Variants in CCNT2 observed in about 807,000 individuals in gnomAD.
CCNT2 encodes cyclin-T2.
A neutral mutation model predicts 70.0 loss-of-function variants in CCNT2; 18 were observed. The observed-to-expected ratio is 0.26, with a 90% CI of 0.18 to 0.38. CCNT2 has a LOEUF of 0.38. Among genes scored for constraint, CCNT2 ranks in the 10% least tolerant of loss-of-function variants. The pLI is 1.00. For synonymous variants in CCNT2, 334 were observed against 313.3 expected, an observed-to-expected ratio of 1.07 and a Z score of -0.70; for missense variants, 734 against 890.2, an observed-to-expected ratio of 0.82 and a Z score of 2.23.
In CCNT2 at chr2:134,959,057, A is replaced by T. The variant is rs543606114; in HGVS notation, c.*4409A>T. ...AGTTTGTTTGATTTGCCTATTGTTT[A>T]ATAATGAGTACATTCTTATTAAGTG... On this transcript the variant is annotated 3_prime_UTR_variant, in exon 9 of 9. Coordinates refer to ENST00000264157, the MANE Select transcript of CCNT2 (RefSeq NM_058241.3). 1 of 151,114 alleles carries T rather than the reference A, an allele frequency of 6.6e-6. No individual in the cohort carries two copies. Among genetic ancestry groups the T allele is most frequent in the South Asian group, 2.1e-4 (1 of 4,710 alleles). 9.4% of individuals were successfully genotyped at this position (151,114 alleles called of 1,614,324 possible). A position where few individuals can be genotyped will look rare whatever the true frequency, so the allele number is the denominator to read the frequency against.
At chr2:134,935,830 A>G (rs1407073788) in intron 2 of CCNT2, among the ~76,000 whole-genome samples, 3 of 152,072 alleles carry the variant, frequency 2.0e-5, no homozygotes, top group Non-Finnish European at 4.4e-5. Context: ...TTGCTAATTT[A>G]TGGATCTCTG....
intron 7 of CCNT2, among the ~76,000 whole-genome samples, chr2:134,949,879 T>C (rs1682335091): frequency 6.6e-6 from 1 of 150,492 alleles, no homozygotes; most frequent in African/African-American, 2.4e-5. Flanking sequence ...CGCTGCACCC[T>C]CCGCCTCCCG....
Position 134,936,921 on chromosome 2 carries a change from A to T in CCNT2, c.321A>T (p.Ala107=), listed in dbSNP as rs770936338. The T allele has an allele frequency of 9.3e-6, 15 of 1,611,196 alleles. No individual in the cohort carries two copies. The Admixed American group carries it at 1.3e-4, about 14-fold the overall frequency. Residue 107 remains alanine, a synonymous_variant, in exon 3 of 9, where the codon GCA becomes GCT. Transcript: ENST00000264157. The part of the protein sequence containing the change: ...ARKLEHVIKV[A]HACLHPLEPL... Reference sequence around the variant, plus strand: ...AACTTGAACATGTTATCAAAGTAGCACATGCTTGTCTTCATCCTCTAGAGC... The same window carrying T: ...AACTTGAACATGTTATCAAAGTAGCTCATGCTTGTCTTCATCCTCTAGAGC...
chr2:134,934,702 T>A (rs1264554891), intron 2 of CCNT2, among the ~76,000 whole-genome samples: 1 of 152,194 alleles, frequency 6.6e-6, no homozygotes, highest in African/African-American at 2.4e-5. Flanking sequence ...ACCAGGAACT[T>A]TGGAAGAGTG....
chr2:134,937,093 T>C, intron 3 of CCNT2, 124 bp downstream of exon 3: 1 of 577,646 alleles, frequency 1.7e-6, no homozygotes, highest in Non-Finnish European at 3.0e-6. Flanking sequence ...TTATTACCTC[T>C]TAGGAATGCA....
intron 1 of CCNT2, among the ~76,000 whole-genome samples, chr2:134,919,440 G>A (rs1418872269): frequency 6.6e-6 from 1 of 152,160 alleles, no homozygotes; most frequent in East Asian, 1.9e-4. Flanking sequence ...CGGCTTGATG[G>A]CGGCTCTCTT....
chr2:134,932,620 A>C (rs1310015355), intron 2 of CCNT2, among the ~76,000 whole-genome samples: 1 of 152,232 alleles, frequency 6.6e-6, no homozygotes, highest in Non-Finnish European at 1.5e-5. Flanking sequence ...TTGAGTAAGA[A>C]AACTAAAATG....
chr2:134,923,986 T>C (rs1198456400), intron 2 of CCNT2, among the ~76,000 whole-genome samples: 1 of 152,228 alleles, frequency 6.6e-6, no homozygotes, highest in African/African-American at 2.4e-5. Context: ...TCTTTATAAG[T>C]CCCAAATTCC....
intron 4 of CCNT2, among the ~76,000 whole-genome samples, chr2:134,940,916 T>C (rs570359635): frequency 6.6e-6 from 1 of 152,316 alleles, no homozygotes; most frequent in South Asian, 2.1e-4. Context: ...CATTTCAAGA[T>C]AAATGAATCC....
At chr2:134,920,334 G>C (rs1679799821) in intron 2 of CCNT2, 1 of 152,342 alleles carries the variant, frequency 6.6e-6, no homozygotes. Context: ...CTATTTAGTA[G>C]AAATAATTCA....
chr2:134,919,940 C>A (rs369615706), intron 2 of CCNT2, 49 bp downstream of exon 2: 4 of 1,308,688 alleles, frequency 3.1e-6, no homozygotes, highest in South Asian at 1.2e-5. Flanking sequence ...GAGGGTAAAT[C>A]GATACGCAGA....
chr2:134,929,028 A>G (rs554289894), intron 2 of CCNT2, among the ~76,000 whole-genome samples: 3 of 152,314 alleles, frequency 2.0e-5, no homozygotes, highest in Admixed American at 2.0e-4. Flanking sequence ...ATGTAGACTT[A>G]AATATCTGTT....
At chr2:134,949,507 G>C (rs1682272878) in intron 7 of CCNT2, among the ~76,000 whole-genome samples, 1 of 152,134 alleles carries the variant, frequency 6.6e-6, no homozygotes, top group African/African-American at 2.4e-5. Context: ...GTTCTTATTT[G>C]TGAAATATGC....
At chr2:134,923,224 T>C (rs924308419) in intron 2 of CCNT2, among the ~76,000 whole-genome samples, 1 of 152,104 alleles carries the variant, frequency 6.6e-6, no homozygotes, top group Admixed American at 6.6e-5. Context: ...GAGGTTGCAG[T>C]GAGCCGAGAT....
chr2:134,945,049 G>A (rs1466873431), intron 5 of CCNT2: 2 of 985,256 alleles, frequency 2.0e-6, no homozygotes, highest in East Asian at 1.1e-4. Flanking sequence ...CTTCACTTCT[G>A]TGATTTCTCC....
At chr2:134,936,346 C>G (rs1281815457) in intron 2 of CCNT2, among the ~76,000 whole-genome samples, 1 of 152,040 alleles carries the variant, frequency 6.6e-6, no homozygotes, top group Non-Finnish European at 1.5e-5. Context: ...TAGATTAGTT[C>G]TATTTAATGA....
At chr2:134,941,078 G>A (rs1382323580) in intron 4 of CCNT2, among the ~76,000 whole-genome samples, 2 of 152,194 alleles carry the variant, frequency 1.3e-5, no homozygotes, top group Non-Finnish European at 2.9e-5. Flanking sequence ...CATACCTATG[G>A]ACTCTAATAT....
In CCNT2 at chr2:134,951,039, T is replaced by G. The variant is rs7592222; in HGVS notation, c.704-1602T>G. On this transcript the variant is annotated intron_variant, in intron 7 of 8. Coordinates refer to ENST00000264157, the MANE Select transcript of CCNT2 (RefSeq NM_058241.3). Reference sequence around the variant, plus strand: ...GGACCCAAAAGTAGAAAAATAGTCTTTTTTTTTTTCTTTTTTTTTCAAATG... The same window carrying G: ...GGACCCAAAAGTAGAAAAATAGTCTGTTTTTTTTTCTTTTTTTTTCAAATG... Among the ~76,000 whole-genome samples, 2,892 of 150,430 alleles carry G rather than the reference T, an allele frequency of 0.019. 213 individuals carry two copies. The East Asian group carries it at 0.28, about 15-fold the overall frequency.
At chr2:134,924,916 G>C (rs1680174461) in intron 2 of CCNT2, among the ~76,000 whole-genome samples, 1 of 152,152 alleles carries the variant, frequency 6.6e-6, no homozygotes, top group Admixed American at 6.5e-5. Context: ...AGCTGTTGAA[G>C]GACCCTAGAG....
Sources: gnomAD v4.1 joint callset for allele counts (sites outside exome capture counted in the v4.1 genomes callset) on GRCh38, gnomAD v4.1.1 for gene constraint, MANE v1.5 for transcripts, NCBI Gene and HGNC (gene_info 2026-07-23, HGNC 2026-07-21) for gene names.